The following BMERB1 variants were observed in gnomAD, a reference collection of about 807,000 sequenced individuals.
The protein encoded by BMERB1 is bMERB domain containing 1, also known as bMERB domain-containing protein 1.
BMERB1 carries 12 observed loss-of-function variants against 23.6 expected under a neutral mutation model. That is an observed-to-expected ratio of 0.51 (90% CI 0.33 to 0.82). The LOEUF is 0.82. Ranked by LOEUF, BMERB1 falls within the 40% of genes least tolerant of loss-of-function variation. The pLI, the probability that BMERB1 is intolerant of heterozygous loss-of-function variation, is 0.03. For missense variants in BMERB1, 247 were observed against 255.4 expected (o/e 0.97, Z 0.22); for synonymous variants, 122 against 96.6 (o/e 1.26, Z -1.54).
intron 1 of BMERB1, among the ~76,000 whole-genome samples, chr16:15,438,635 T>A (rs557342921): frequency 6.7e-6 from 1 of 149,948 alleles, no homozygotes; most frequent in East Asian, 2.0e-4. Flanking sequence ...AATTTTTGTA[T>A]TTTTACTAGA....
At chr16:15,444,936 G>T (rs1257321479) in intron 1 of BMERB1, among the ~76,000 whole-genome samples, 1 of 152,144 alleles carries the variant, frequency 6.6e-6, no homozygotes, top group Non-Finnish European at 1.5e-5. Flanking sequence ...TTGCTCCATT[G>T]CCCATATGGG....
intron 1 of BMERB1, among the ~76,000 whole-genome samples, chr16:15,443,169 A>G (rs1265684170): frequency 7.7e-4 from 117 of 151,822 alleles, no homozygotes; most frequent in Admixed American, 7.7e-3. Flanking sequence ...GATCACTTGA[A>G]CCGGGGAGGC....
At chr16:15,477,211 A>T (rs1418557615) in intron 1 of BMERB1, among the ~76,000 whole-genome samples, 4 of 152,058 alleles carry the variant, frequency 2.6e-5, no homozygotes, top group Admixed American at 2.6e-4. Context: ...TGTGGAAGGC[A>T]CCTCTTCATA....
chr16:15,463,987 A>T (rs184059501), intron 1 of BMERB1, among the ~76,000 whole-genome samples: 2 of 152,108 alleles, frequency 1.3e-5, no homozygotes, highest in Admixed American at 1.3e-4. Context: ...GGGCAACTCC[A>T]TAGAGTAAAG....
chr16:15,523,242 G>C (rs2051873874), intron 2 of BMERB1, among the ~76,000 whole-genome samples: 1 of 152,044 alleles, frequency 6.6e-6, no homozygotes, highest in South Asian at 2.1e-4. Flanking sequence ...TTGACATCCA[G>C]ACGCTTGTGT....
chr16:15,442,911 T>G (rs2050953303), intron 1 of BMERB1, among the ~76,000 whole-genome samples: 1 of 152,086 alleles, frequency 6.6e-6, no homozygotes, highest in Non-Finnish European at 1.5e-5. Context: ...CAGCCTTCAC[T>G]CTTAAAAGGT....
At chr16:15,442,949 C>T (rs1456096433) in intron 1 of BMERB1, among the ~76,000 whole-genome samples, 2 of 152,048 alleles carry the variant, frequency 1.3e-5, no homozygotes, top group Non-Finnish European at 2.9e-5. Context: ...GAGACACAGC[C>T]ATAAAGAACA....
intron 1 of BMERB1, among the ~76,000 whole-genome samples, chr16:15,473,726 C>A (rs1028258167): frequency 1.5e-4 from 23 of 152,144 alleles, no homozygotes; most frequent in African/African-American, 5.3e-4. Flanking sequence ...ATTCATAATT[C>A]TTTTCTTTTA....
chr16:15,559,446 G>C (rs1301800880), intron 2 of BMERB1, among the ~76,000 whole-genome samples: 1 of 152,234 alleles, frequency 6.6e-6, no homozygotes, highest in Admixed American at 6.5e-5. Flanking sequence ...GCAGGAGCTA[G>C]GGCTGAATCT....
chr16:15,506,199 G>A (rs1286409266), intron 1 of BMERB1, among the ~76,000 whole-genome samples: 2 of 150,658 alleles, frequency 1.3e-5, no homozygotes, highest in East Asian at 2.0e-4. Flanking sequence ...TTTTTGAGAC[G>A]GAGTCTTGCT....
rs138463949 is a variant in BMERB1 at position 15,577,892 on chromosome 16, G to GC, written c.305-3322dup. Among the ~76,000 whole-genome samples the GC allele has an allele frequency of 8.9e-3, 1,356 of 152,340 alleles. 19 individuals are homozygous for GC. Among genetic ancestry groups the GC allele is most frequent in the African/African-American group, 0.031 (1,282 of 41,572 alleles). ...TTTGCCTCTTAATGTGCATGCTTGA[G>GC]CCCAGTTGCCCAACTCCTGAGATCT... On this transcript the variant is annotated intron_variant, in intron 3 of 5. Coordinates refer to ENST00000300006, the MANE Select transcript of BMERB1 (RefSeq NM_033201.3).
At chr16:15,450,884 G>A (rs2051035868) in intron 1 of BMERB1, among the ~76,000 whole-genome samples, 1 of 152,144 alleles carries the variant, frequency 6.6e-6, no homozygotes, top group African/African-American at 2.4e-5. Flanking sequence ...AGCTTGTCAT[G>A]CTGCTGCATT....
chr16:15,530,903 CTTTT>C (rs1220558728), intron 2 of BMERB1, among the ~76,000 whole-genome samples: 3 of 109,248 alleles, frequency 2.7e-5, no homozygotes, highest in African/African-American at 1.1e-4. Context: ...TTTCTTCTTT[CTTTT>C]TTTTTTTTTT....
intron 2 of BMERB1, among the ~76,000 whole-genome samples, chr16:15,525,570 T>A (rs551251710): frequency 6.6e-6 from 1 of 152,098 alleles, no homozygotes; most frequent in African/African-American, 2.4e-5. Context: ...CCGGCTGTGG[T>A]GGCGTGTGCT....
At chr16:15,471,297 T>G (rs575730977) in intron 1 of BMERB1, among the ~76,000 whole-genome samples, 112 of 152,342 alleles carry the variant, frequency 7.4e-4, no homozygotes, top group African/African-American at 2.5e-3. Flanking sequence ...AGGAATAATT[T>G]GAAAGCTCAC....
intron 2 of BMERB1, among the ~76,000 whole-genome samples, chr16:15,546,958 G>C (rs9930648): frequency 0.35 from 52,673 of 151,194 alleles, 11,633 homozygotes; most frequent in African/African-American, 0.61. Context: ...GAGCAAAACT[G>C]TTGGAGGATT....
chr16:15,454,734 G>A (rs2051069343), intron 1 of BMERB1, among the ~76,000 whole-genome samples: 1 of 151,592 alleles, frequency 6.6e-6, no homozygotes, highest in Admixed American at 6.6e-5. Context: ...GGAGGTTGCA[G>A]TGAGCCAAGA....
At chr16:15,585,343 G>A (rs958919336) in intron 5 of BMERB1, among the ~76,000 whole-genome samples, 2 of 152,180 alleles carry the variant, frequency 1.3e-5, no homozygotes, top group Non-Finnish European at 2.9e-5. Context: ...CATGCAAGGG[G>A]CCAACTTTAC....
chr16:15,561,533 T>G (rs1449127686), intron 2 of BMERB1, among the ~76,000 whole-genome samples: 1 of 152,000 alleles, frequency 6.6e-6, no homozygotes, highest in Non-Finnish European at 1.5e-5. Flanking sequence ...CCTCCCAAAG[T>G]GCTGGGATTA....
Sources: gnomAD v4.1 joint callset for allele counts (sites outside exome capture counted in the v4.1 genomes callset) on GRCh38, gnomAD v4.1.1 for gene constraint, MANE v1.5 for transcripts, NCBI Gene and HGNC (gene_info 2026-07-23, HGNC 2026-07-21) for gene names.